DNAH11: variants seen among roughly 807,000 people sequenced by gnomAD.
DNAH11 encodes the protein axonemal beta dynein heavy chain 11.
A neutral mutation model predicts 526.0 loss-of-function variants in DNAH11; 442 were observed. The ratio of observed to expected loss-of-function variants is 0.84; its 90% CI spans 0.78 to 0.91. DNAH11 has a LOEUF of 0.91. Among genes scored for constraint, DNAH11 ranks in the 40% least tolerant of loss-of-function variants. DNAH11 has a pLI of 0.00. For synonymous variants in DNAH11, 2,461 were observed against 1,935.9 expected (o/e 1.27, Z -7.12); for missense variants, 6,989 against 5,448.7 (o/e 1.28, Z -8.90).
intron 25 of DNAH11, among the ~76,000 whole-genome samples, chr7:21,629,295 A>G (rs930004433): frequency 6.6e-6 from 1 of 152,082 alleles, no homozygotes; most frequent in Admixed American, 6.5e-5. Flanking sequence ...TACTTTTTAG[A>G]ATTTTTTGAA....
intron 54 of DNAH11, among the ~76,000 whole-genome samples, chr7:21,754,069 T>C (rs965734617): frequency 6.6e-6 from 1 of 152,196 alleles, no homozygotes; most frequent in Non-Finnish European, 1.5e-5. Context: ...AGCCTGCAGG[T>C]AAAGATATTT....
intron 55 of DNAH11, among the ~76,000 whole-genome samples, chr7:21,770,755 G>T (rs892774649): frequency 6.6e-6 from 1 of 152,322 alleles, no homozygotes; most frequent in East Asian, 1.9e-4. Context: ...GCAGGAAGAA[G>T]TACAGGAGGG....
chr7:21,704,699 C>G, intron 38 of DNAH11, 71 bp downstream of exon 38: 2 of 1,514,512 alleles, frequency 1.3e-6, no homozygotes, highest in South Asian at 2.6e-5. Flanking sequence ...CTAATTGATA[C>G]TAAAGCAAGA....
chr7:21,695,873 A>G (rs533680157), intron 35 of DNAH11, among the ~76,000 whole-genome samples: 11 of 152,282 alleles, frequency 7.2e-5, no homozygotes, highest in South Asian at 4.1e-4. Context: ...AGAATCTACA[A>G]GGAACTTAAA....
chr7:21,794,133 T>G (rs901710897), intron 61 of DNAH11, among the ~76,000 whole-genome samples: 2 of 152,252 alleles, frequency 1.3e-5, no homozygotes, highest in African/African-American at 4.8e-5. Context: ...AAACTTCTGA[T>G]AAATTTCTGA....
chr7:21,643,151 G>A (rs1787198279), intron 28 of DNAH11, among the ~76,000 whole-genome samples: 1 of 152,140 alleles, frequency 6.6e-6, no homozygotes, highest in Admixed American at 6.5e-5. Flanking sequence ...AAGTCCTTAT[G>A]GGATTCAGTA....
intron 68 of DNAH11, among the ~76,000 whole-genome samples, chr7:21,861,543 A>G (rs1783064514): frequency 6.6e-6 from 1 of 152,266 alleles, no homozygotes; most frequent in South Asian, 2.1e-4. Flanking sequence ...CTTTTATGTT[A>G]TGTGTATCCT....
chr7:21,650,934 C>A (rs370821062), intron 28 of DNAH11, among the ~76,000 whole-genome samples: 1 of 145,668 alleles, frequency 6.9e-6, no homozygotes, highest in African/African-American at 2.6e-5. Context: ...GCCACCGTGC[C>A]GGGCCCAAAA....
chr7:21,640,804 C>G (rs530202903), intron 28 of DNAH11, among the ~76,000 whole-genome samples: 1 of 152,276 alleles, frequency 6.6e-6, no homozygotes, highest in African/African-American at 2.4e-5. Context: ...CAAGGCCAAG[C>G]TTTCGTTTAA....
chr7:21,655,648 C>A (rs1395558956), intron 28 of DNAH11, among the ~76,000 whole-genome samples, 184 bp from the exon 29 acceptor site: 1 of 151,968 alleles, frequency 6.6e-6, no homozygotes, highest in Non-Finnish European at 1.5e-5. Flanking sequence ...AGTGACTGGC[C>A]ACTTCACCAC....
At chr7:21,596,341 C>T (rs1218676806) in intron 14 of DNAH11, among the ~76,000 whole-genome samples, 1 of 152,140 alleles carries the variant, frequency 6.6e-6, no homozygotes, top group African/African-American at 2.4e-5. Context: ...TGCCAAAGTC[C>T]TGGGTAGCCT....
chr7:21,717,726 G>C (rs371276404), intron 42 of DNAH11, 49 bp from the exon 43 acceptor site: 2 of 1,606,434 alleles, frequency 1.2e-6, no homozygotes, highest in Non-Finnish European at 1.7e-6. Context: ...GTGAAATTCT[G>C]CTTTTCAAGC....
chr7:21,599,987 G>GT lies in DNAH11; in HGVS notation c.2871dup (p.Lys958Ter). The GT allele has an allele frequency of 6.2e-7, 1 of 1,613,114 alleles. No homozygotes were observed. Among genetic ancestry groups the GT allele is most frequent in the Non-Finnish European group, 8.5e-7 (1 of 1,179,354 alleles). On this transcript the variant is annotated frameshift_variant, in exon 15 of 82. Transcript: ENST00000409508. LOFTEE classifies it high-confidence loss of function. ...TGATCTTGTTGCCTCCTGAGATTGT[G>GT]TTTAAACCTTCCCTAGACAGAGAGG...
At chr7:21,715,891 G>A (rs1041767200) in intron 42 of DNAH11, among the ~76,000 whole-genome samples, 1 of 146,680 alleles carries the variant, frequency 6.8e-6, no homozygotes, top group Non-Finnish European at 1.5e-5. Context: ...CTCTCAAGCA[G>A]AATCGGCTCT....
At chr7:21,757,880 A>C (rs1356774261) in intron 54 of DNAH11, among the ~76,000 whole-genome samples, 1 of 152,242 alleles carries the variant, frequency 6.6e-6, no homozygotes, top group African/African-American at 2.4e-5. Flanking sequence ...TTTGTGTAAA[A>C]GCTCAACTAC....
At chr7:21,580,506 C>A (rs1301496282) in intron 8 of DNAH11, among the ~76,000 whole-genome samples, 1 of 152,184 alleles carries the variant, frequency 6.6e-6, no homozygotes, top group Admixed American at 6.5e-5. Flanking sequence ...GTTGCTATAA[C>A]AAAACACGAT....
At chr7:21,608,650 G>A (rs1347968042) in intron 20 of DNAH11, among the ~76,000 whole-genome samples, 1 of 152,104 alleles carries the variant, frequency 6.6e-6, no homozygotes, top group African/African-American at 2.4e-5. Flanking sequence ...TAATATACTT[G>A]GTTTTATTTT....
rs1785777022 is a variant in DNAH11, at chr7:21,616,229, T to A, written c.4032T>A (p.Thr1344=). The A allele has an allele frequency of 6.2e-7, 1 of 1,613,526 alleles. No individual in the cohort carries two copies. Among genetic ancestry groups the A allele is most frequent in the Admixed American group, 1.7e-5 (1 of 59,956 alleles). ...TTCAGAGAAGCATTGATAATTGGAC[T>A]AAAACCCAGTGGAGACAGATTCATG... ...IYVRRSIDNW[T]KTQWRQIHVE... Residue 1344 remains threonine (T), a synonymous_variant, in exon 22 of 82, where the codon ACT becomes ACA. Coordinates refer to ENST00000409508, the MANE Select transcript of DNAH11 (RefSeq NM_001277115.2).
intron 23 of DNAH11, chr7:21,618,366 A>G (rs958860303): frequency 6.5e-6 from 1 of 152,840 alleles, no homozygotes; most frequent in Non-Finnish European, 1.5e-5. Flanking sequence ...GCAGCTTCCA[A>G]GAAGCAGATT....
Sources: gnomAD v4.1 joint callset for allele counts (sites outside exome capture counted in the v4.1 genomes callset) on GRCh38, gnomAD v4.1.1 for gene constraint, MANE v1.5 for transcripts, NCBI Gene and HGNC (gene_info 2026-07-23, HGNC 2026-07-21) for gene names.